The following PDILT variants were observed in gnomAD, a reference collection of about 807,000 sequenced individuals.
PDILT encodes protein disulfide-isomerase-like protein of the testis.
A neutral mutation model predicts 53.7 loss-of-function variants in PDILT; 43 were observed. The observed-to-expected ratio is 0.80, with a 90% CI of 0.63 to 1.03. The LOEUF (loss-of-function observed/expected upper bound fraction) is 1.03. Among genes scored for constraint, PDILT ranks in the 50% least tolerant of loss-of-function variants. The pLI is 0.00. For synonymous variants in PDILT, 282 were observed against 274.2 expected (o/e 1.03, Z -0.28); for missense variants, 727 against 712.3 (o/e 1.02, Z -0.24).
At chr16:20,374,519 G>A (rs947929026) in intron 5 of PDILT, among the ~76,000 whole-genome samples, 1 of 152,194 alleles carries the variant, frequency 6.6e-6, no homozygotes, top group Admixed American at 6.5e-5. Flanking sequence ...TATAAGATGT[G>A]TGTATAGCAT....
chr16:20,372,941 G>T lies in PDILT; in HGVS notation c.793-14C>A. 6.2e-7 allele frequency: 1 copy of T among 1,613,948 alleles called. No individual in the cohort carries two copies. Among genetic ancestry groups the T allele is most frequent in the Non-Finnish European group, 8.5e-7 (1 of 1,179,884 alleles). On this transcript the variant is annotated splice_polypyrimidine_tract_variant and intron_variant, in intron 6 of 11. Coordinates refer to ENST00000302451, the MANE Select transcript of PDILT (RefSeq NM_174924.2). ...CAGATCCTTATTCTGAAATGACCAG[G>T]AAAATATGTCATCCCAAGCACACAC... is the stretch of plus-strand genomic sequence containing the variant.
In PDILT at chr16:20,384,735, T is replaced by C. The variant is rs139688634; in HGVS notation, c.319A>G (p.Lys107Glu). Residue 107 changes from lysine (K) to glutamate (E), a missense_variant, in exon 3 of 12, where the codon AAG becomes GAG. Transcript: ENST00000302451. Reference sequence around the variant, plus strand: ...ATCCCAAACTCCTGCTGAAGCTCCTTCTCTATGGTAATGTCCACTTTGCCA... The same window carrying C: ...ATCCCAAACTCCTGCTGAAGCTCCTCCTCTATGGTAATGTCCACTTTGCCA... ...GFGKVDITIEKELQQEFGITK... is the reference protein window; with the variant it reads ...GFGKVDITIEEELQQEFGITK... 1,331 of 1,614,164 alleles carry C rather than the reference T, an allele frequency of 8.2e-4. 10 individuals carry two copies. In the Middle Eastern group the frequency reaches 0.019, roughly 23 times the overall value.
intron 9 of PDILT, among the ~76,000 whole-genome samples, chr16:20,363,274 G>T (rs984993520): frequency 1.3e-5 from 2 of 152,106 alleles, no homozygotes; most frequent in African/African-American, 2.4e-5. Flanking sequence ...GGGCTCAAGA[G>T]ATCCTTCCAT....
In PDILT at chr16:20,396,462, G is replaced by T. The variant is rs1966663842; in HGVS notation, c.202+2637C>A. 2.0e-5 allele frequency among the ~76,000 whole-genome samples: 3 copies of T among 152,220 alleles called. No homozygotes were observed. The South Asian group carries it at 6.2e-4, about 32-fold the overall frequency. ...TTCAACGACTTCTACTAACTCTTTG[G>T]CTTTGATTATCTATCACTGGGCATT... On this transcript the variant is annotated intron_variant, in intron 2 of 11. Coordinates refer to ENST00000302451, the MANE Select transcript of PDILT (RefSeq NM_174924.2).
intron 5 of PDILT, among the ~76,000 whole-genome samples, chr16:20,374,338 C>G (rs1260935053): frequency 6.6e-6 from 1 of 152,028 alleles, no homozygotes; most frequent in African/African-American, 2.4e-5. Flanking sequence ...CCTGGGTTTT[C>G]TGGCTTGTTT....
intron 4 of PDILT, 135 bp from the exon 5 acceptor site, chr16:20,375,094 T>A: frequency 1.0e-6 from 1 of 985,432 alleles, no homozygotes; most frequent in Non-Finnish European, 1.5e-6. Flanking sequence ...GTCACCCAAA[T>A]CCTCTTTCAT....
At chr16:20,393,636 C>A (rs1056671170) in intron 2 of PDILT, among the ~76,000 whole-genome samples, 3 of 152,158 alleles carry the variant, frequency 2.0e-5, no homozygotes, top group Admixed American at 6.5e-5. Flanking sequence ...TAAGTGGCAC[C>A]ACTCACAGAG....
rs1231334133 is a variant in PDILT at position 20,369,573 on chromosome 16, G to A, written c.1035C>T (p.Ala345=). The A allele has an allele frequency of 3.1e-6, 5 of 1,614,204 alleles. No individual in the cohort carries two copies. Among genetic ancestry groups the A allele is most frequent in the South Asian group, 2.2e-5 (2 of 91,080 alleles). Residue 345 remains alanine, a synonymous_variant, in exon 8 of 12, where the codon GCC becomes GCT. Coordinates refer to ENST00000302451, the MANE Select transcript of PDILT (RefSeq NM_174924.2). The part of the protein sequence containing the change: ...SVQILNLSSD[A]RYKMPSDDIT... ...TGTCATCTGAAGGCATTTTGTACCTGGCGTCAGAGCTCAAGTTTAGGATTT... is the reference window on the plus strand; with the variant it reads ...TGTCATCTGAAGGCATTTTGTACCTAGCGTCAGAGCTCAAGTTTAGGATTT...
At position 20,374,882 on chromosome 16, in the gene PDILT, C is replaced by T. The variant is rs138738071; in HGVS notation, c.621G>A (p.Thr207=). The change falls in exon 5 of 12, where the codon ACG becomes ACA. Residue 207 remains threonine (T), a synonymous_variant. Coordinates refer to ENST00000302451, the MANE Select transcript of PDILT (RefSeq NM_174924.2). The part of the protein sequence containing the change: ...DFPELTFGVI[T]IGNVIGRFHV... ...GGAAACGCCCAATGACATTGCCAATCGTTATGACTCCAAACGTTAGCTCTG... is the reference window on the plus strand; with the variant it reads ...GGAAACGCCCAATGACATTGCCAATTGTTATGACTCCAAACGTTAGCTCTG... 9 of 1,614,098 alleles carry T rather than the reference C, an allele frequency of 5.6e-6. No homozygotes were observed. The highest frequency in any genetic ancestry group is 2.7e-5 in the African/African-American group (2 of 75,044).
chr16:20,366,793 T>A (rs1467641134), intron 8 of PDILT, among the ~76,000 whole-genome samples: 1 of 152,126 alleles, frequency 6.6e-6, no homozygotes, highest in African/African-American at 2.4e-5. Flanking sequence ...AGCCTCCATC[T>A]CTCATCTTGA....
At chr16:20,365,736 G>T (rs1043615681) in intron 8 of PDILT, among the ~76,000 whole-genome samples, 196 bp from the exon 9 acceptor site, 1 of 152,070 alleles carries the variant, frequency 6.6e-6, no homozygotes, top group Non-Finnish European at 1.5e-5. Flanking sequence ...TGGGGTCAGG[G>T]GACTGAGGAG....
At chr16:20,400,350 C>T (rs923680727) in intron 1 of PDILT, among the ~76,000 whole-genome samples, 1 of 151,512 alleles carries the variant, frequency 6.6e-6, no homozygotes, top group Admixed American at 6.6e-5. Flanking sequence ...GCTGGGATTA[C>T]AGGCATTATC....
chr16:20,366,720 C>T (rs1241952177), intron 8 of PDILT, among the ~76,000 whole-genome samples: 2 of 152,154 alleles, frequency 1.3e-5, no homozygotes, highest in Non-Finnish European at 2.9e-5. Context: ...ACCATTGCCT[C>T]CTGAATGTCT....
chr16:20,385,418 C>G (rs1402383975), intron 2 of PDILT, among the ~76,000 whole-genome samples: 1 of 152,206 alleles, frequency 6.6e-6, no homozygotes, highest in East Asian at 1.9e-4. Flanking sequence ...CTAATCTCCA[C>G]TAGGCATGTA....
intron 2 of PDILT, among the ~76,000 whole-genome samples, chr16:20,386,444 A>C (rs1470767051): frequency 2.0e-5 from 3 of 152,174 alleles, no homozygotes; most frequent in African/African-American, 4.8e-5. Flanking sequence ...ACTTGGAGAA[A>C]GTGCAAATGA....
At chr16:20,366,987 C>CCTTT (rs1189307859) in intron 8 of PDILT, among the ~76,000 whole-genome samples, 7,511 of 83,010 alleles carry the variant, frequency 0.09, 823 homozygotes, top group East Asian at 0.2. Context: ...TTCCTTCCTT[C>CCTTT]CTTTCTTTCT....
intron 1 of PDILT, among the ~76,000 whole-genome samples, chr16:20,404,060 C>A (rs1025055452): frequency 6.6e-6 from 1 of 152,154 alleles, no homozygotes. Flanking sequence ...TTGTTGTTGT[C>A]ATTTTGAACT....
intron 1 of PDILT, 125 bp from the exon 2 acceptor site, chr16:20,399,432 G>T: frequency 1.0e-6 from 1 of 967,030 alleles, no homozygotes; most frequent in Non-Finnish European, 1.6e-6. Context: ...TTGCCTCCCA[G>T]CAATGCCTGC....
chr16:20,384,290 G>A (rs75447969), intron 3 of PDILT, among the ~76,000 whole-genome samples: 4,804 of 152,170 alleles, frequency 0.032, 251 homozygotes, highest in African/African-American at 0.11. Context: ...CACTAAACCC[G>A]TTTTCTTTCT....
Sources: gnomAD v4.1 joint callset for allele counts (sites outside exome capture counted in the v4.1 genomes callset) on GRCh38, gnomAD v4.1.1 for gene constraint, MANE v1.5 for transcripts, NCBI Gene and HGNC (gene_info 2026-07-23, HGNC 2026-07-21) for gene names.